The following ITGAE variants were observed in gnomAD, a reference collection of about 807,000 sequenced individuals.
ITGAE encodes integrin alpha-E.
A neutral mutation model predicts 136.5 loss-of-function variants in ITGAE; 99 were observed. That is an observed-to-expected ratio of 0.73 (90% CI 0.62 to 0.86). The LOEUF is 0.86. Among genes scored for constraint, ITGAE ranks in the 40% least tolerant of loss-of-function variants. The pLI is 0.00. For synonymous variants in ITGAE, 613 were observed against 591.8 expected, an observed-to-expected ratio of 1.04 and a Z score of -0.52; for missense variants, 1,447 against 1,515.3, an observed-to-expected ratio of 0.95 and a Z score of 0.75.
In ITGAE at chr17:3,714,777, G is replaced by A. The variant is rs1378276890; in HGVS notation, c.*70C>T. 21 of 848,620 alleles carry A rather than the reference G, an allele frequency of 2.5e-5. No homozygotes were observed. The highest frequency in any genetic ancestry group is 1.8e-5 in the Non-Finnish European group (9 of 508,348). 52.6% of individuals were successfully genotyped at this position (848,620 alleles called of 1,614,324 possible). A position where few individuals can be genotyped will look rare whatever the true frequency, so the allele number is the denominator to read the frequency against. On this transcript the variant is annotated 3_prime_UTR_variant, in exon 31 of 31. Transcript: ENST00000263087. ...GCTCTAGATCATCCTGAAGGAAAAA[G>A]TAATGCAAAGGATGCTGGGTCTCCA... is the stretch of plus-strand genomic sequence containing the variant.
intron 1 of ITGAE, among the ~76,000 whole-genome samples, chr17:3,783,304 CTA>C (rs2052706978): frequency 6.6e-6 from 1 of 152,126 alleles, no homozygotes; most frequent in Admixed American, 6.6e-5. Flanking sequence ...CCATGCCCAG[CTA>C]AGTTTTGTAT....
At chr17:3,741,259 T>C (rs1473061399) in intron 19 of ITGAE, among the ~76,000 whole-genome samples, 1 of 150,256 alleles carries the variant, frequency 6.7e-6, no homozygotes, top group African/African-American at 2.4e-5. Context: ...TTTTTTTTTT[T>C]TGTATTTTTA....
intron 1 of ITGAE, among the ~76,000 whole-genome samples, chr17:3,791,420 T>C (rs2052936442): frequency 1.3e-5 from 2 of 151,876 alleles, no homozygotes; most frequent in African/African-American, 2.4e-5. Context: ...GTAGCTGGGA[T>C]TACAGGGGTG....
intron 1 of ITGAE, among the ~76,000 whole-genome samples, chr17:3,790,511 A>AC (rs546998787): frequency 3.3e-5 from 2 of 60,370 alleles, no homozygotes; most frequent in East Asian, 7.0e-4. Context: ...GTCTCAAACA[A>AC]ACACACACAC....
intron 1 of ITGAE, among the ~76,000 whole-genome samples, chr17:3,782,298 A>AC (rs71153400): frequency 0.023 from 2,381 of 102,146 alleles, 377 homozygotes; most frequent in South Asian, 0.079. Context: ...AAAAAAAAAA[A>AC]AAAGCATGGT....
At chr17:3,715,610 C>T (rs532469745) in intron 30 of ITGAE, among the ~76,000 whole-genome samples, 3 of 152,186 alleles carry the variant, frequency 2.0e-5, no homozygotes, top group South Asian at 2.1e-4. Flanking sequence ...CCCACCACTT[C>T]GGGAGGCCAA....
intron 16 of ITGAE, among the ~76,000 whole-genome samples, chr17:3,749,415 G>T (rs895995993): frequency 6.6e-6 from 1 of 152,052 alleles, no homozygotes; most frequent in African/African-American, 2.4e-5. Flanking sequence ...ACCATGCCCG[G>T]CTAATTTTTT....
At position 3,791,288 on chromosome 17, in the gene ITGAE, G is replaced by A. The variant is rs62070390; in HGVS notation, c.34+9823C>T. ...TGTGGCTATTTAAGAAAATGTCCAC[G>A]TTCTTTATTATTGAGACTGAGTCGT... On this transcript the variant is annotated intron_variant, in intron 1 of 30. Coordinates refer to ENST00000263087, the MANE Select transcript of ITGAE (RefSeq NM_002208.5). 5.3e-3 allele frequency among the ~76,000 whole-genome samples: 810 copies of A among 151,642 alleles called. 2 individuals are homozygous for A. Among genetic ancestry groups the A allele is most frequent in the Non-Finnish European group, 8.7e-3 (594 of 67,940 alleles).
chr17:3,777,645 G>A lies in ITGAE; in HGVS notation c.50C>T (p.Ala17Val), dbSNP rs768717313. The change falls in exon 2 of 31, where the codon GCC becomes GTC. Residue 17 changes from alanine (A) to valine (V), a missense_variant. This residue lies in a region of ITGAE where 106 missense variants were observed against 87.8 expected (regional missense o/e 1.21). Transcript: ENST00000263087. ...CCGGGCCACATCCACATTGAAAGCG[G>A]CCAGCAGGGCCAGGCCTGTAGGGAA... ...LLCIASLALL[A>V]AFNVDVARPW... is the part of the protein sequence containing the mutation. The A allele has an allele frequency of 6.2e-7, 1 of 1,613,108 alleles. No homozygotes were observed. Among genetic ancestry groups the A allele is most frequent in the Non-Finnish European group, 8.5e-7 (1 of 1,179,620 alleles).
intron 1 of ITGAE, chr17:3,784,313 C>T (rs1479517142): frequency 8.3e-6 from 3 of 362,008 alleles, no homozygotes; most frequent in South Asian, 6.1e-5. Context: ...AAAAATTGAG[C>T]AAGGATATAG....
Position 3,724,442 on chromosome 17 carries a change from C to A in ITGAE, c.3085-698G>T, listed in dbSNP as rs2051156405. 2 of 1,613,558 alleles carry A rather than the reference C, an allele frequency of 1.2e-6. No homozygotes were observed. The highest frequency in any genetic ancestry group is 1.7e-6 in the Non-Finnish European group (2 of 1,179,980). On this transcript the variant is annotated intron_variant, in intron 26 of 30. Transcript: ENST00000263087. ...AGCTGGGCATCAGTGCCTCCCTGTTCAGCTCTCTGGCCTCGCCCTGCCCCG... is the reference window on the plus strand; with the variant it reads ...AGCTGGGCATCAGTGCCTCCCTGTTAAGCTCTCTGGCCTCGCCCTGCCCCG...
In ITGAE at chr17:3,761,945, C is replaced by G. The variant is rs147838727; in HGVS notation, c.285G>C (p.Val95=). ...VPIPKGRHRG[V]TVVRSHHGVL... Reference sequence around the variant, plus strand: ...CACCGTGGTGGCTCCGGACAACGGTCACTCCCCGGTGCCTCCCCTTGGGGA... The same window carrying G: ...CACCGTGGTGGCTCCGGACAACGGTGACTCCCCGGTGCCTCCCCTTGGGGA... Residue 95 remains valine (V), a synonymous_variant, in exon 4 of 31, where the codon GTG becomes GTC. Transcript: ENST00000263087. 6.2e-7 allele frequency: 1 copy of G among 1,614,002 alleles called. No individual in the cohort carries two copies. Among genetic ancestry groups the G allele is most frequent in the South Asian group, 1.1e-5 (1 of 91,062 alleles).
chr17:3,800,748 G>A (rs2053236530), intron 1 of ITGAE, among the ~76,000 whole-genome samples: 1 of 152,196 alleles, frequency 6.6e-6, no homozygotes, highest in Admixed American at 6.5e-5. Flanking sequence ...AGCTCTGCCA[G>A]GCGGAGCCTC....
chr17:3,751,482 G>T (rs2051864877), intron 15 of ITGAE, among the ~76,000 whole-genome samples, 168 bp downstream of exon 15: 1 of 151,802 alleles, frequency 6.6e-6, no homozygotes, highest in Non-Finnish European at 1.5e-5. Context: ...GTGAGGCCCT[G>T]GTCTGGAAGC....
intron 12 of ITGAE, 117 bp downstream of exon 12, chr17:3,755,000 G>A (rs1329830712): frequency 4.0e-6 from 2 of 502,732 alleles, no homozygotes; most frequent in African/African-American, 3.8e-5. Context: ...CCCCACCCTC[G>A]CCCAGGTAGG....
chr17:3,728,203 A>T (rs2143009409), intron 24 of ITGAE, 35 bp from the exon 25 acceptor site: 3 of 1,538,158 alleles, frequency 2.0e-6, no homozygotes, highest in Non-Finnish European at 2.7e-6. Context: ...GCCCTTGAGG[A>T]GTCTTTCTCC....
chr17:3,778,047 T>G (rs899173376), intron 1 of ITGAE, among the ~76,000 whole-genome samples: 6 of 152,138 alleles, frequency 3.9e-5, no homozygotes, highest in Non-Finnish European at 8.8e-5. Context: ...GTATGTTCTA[T>G]GTACCCCCTT....
intron 2 of ITGAE, 128 bp downstream of exon 2, chr17:3,777,412 T>A (rs2052569953): frequency 1.4e-5 from 18 of 1,259,560 alleles, no homozygotes; most frequent in Non-Finnish European, 1.9e-5. Context: ...CATGCCCTTC[T>A]GAAAGAGAAA....
At position 3,760,247 on chromosome 17, in the gene ITGAE, A is replaced by G. The variant is rs1358722498; in HGVS notation, c.639T>C (p.Ile213=). 6.2e-7 allele frequency: 1 copy of G among 1,613,748 alleles called. No individual in the cohort carries two copies. The highest frequency in any genetic ancestry group is 8.5e-7 in the Non-Finnish European group (1 of 1,179,888). The change falls in exon 7 of 31, where the codon ATT becomes ATC. Residue 213 remains isoleucine, a synonymous_variant. Coordinates refer to ENST00000263087, the MANE Select transcript of ITGAE (RefSeq NM_002208.5). The part of the protein sequence containing the change: ...IAIILDGSGS[I]DPPDFQRAKD... ...TGGCTCTCTGAAAGTCTGGGGGATC[A>G]ATGCTTCCTGAGCCATCCAGGATGA...
Sources: allele counts gnomAD v4.1 joint callset (sites outside exome capture counted in the v4.1 genomes callset), GRCh38; gene constraint gnomAD v4.1.1; regional missense constraint gnomAD v4.1.1; transcripts MANE v1.5; gene names NCBI Gene and HGNC (gene_info 2026-07-23, HGNC 2026-07-21).